Variants in P2RX3 observed in about 807,000 individuals in gnomAD.
P2RX3 encodes purinergic receptor P2X 3.
A neutral mutation model predicts 51.5 loss-of-function variants in P2RX3; 41 were observed. That is an observed-to-expected ratio of 0.80 (90% CI 0.62 to 1.03). P2RX3 has a LOEUF of 1.03. Among genes scored for constraint, P2RX3 ranks in the 50% least tolerant of loss-of-function variants. The pLI is 0.00. For synonymous variants in P2RX3, 185 were observed against 191.6 expected (o/e 0.97, Z 0.29); for missense variants, 459 against 522.1 (o/e 0.88, Z 1.18).
chr11:57,347,120 C>A lies in P2RX3; in HGVS notation c.260C>A (p.Thr87Asn). 1 of 1,613,636 alleles carries A rather than the reference C, an allele frequency of 6.2e-7. No individual in the cohort carries two copies. Among genetic ancestry groups the A allele is most frequent in the East Asian group, 2.2e-5 (1 of 44,888 alleles). ...VSDYVTPPQG[T>N]SVFVIITKMI... is the part of the protein sequence containing the mutation. ...CTCCCTTCTTCTCCTCCCAAGGGCACCTCGGTCTTTGTCATCATCACCAAG... is the reference window on the plus strand; with the variant it reads ...CTCCCTTCTTCTCCTCCCAAGGGCAACTCGGTCTTTGTCATCATCACCAAG... Residue 87 changes from threonine to asparagine, a missense_variant, in exon 3 of 12, where the codon ACC becomes AAC. Coordinates refer to ENST00000263314, the MANE Select transcript of P2RX3 (RefSeq NM_002559.5).
intron 1 of P2RX3, among the ~76,000 whole-genome samples, chr11:57,342,149 T>A (rs1411687652): frequency 2.7e-3 from 12 of 4,400 alleles, no homozygotes; most frequent in Admixed American, 8.2e-3. Context: ...CTGCCCCATC[T>A]TTTTTTTTTT....
intron 1 of P2RX3, among the ~76,000 whole-genome samples, chr11:57,343,027 G>A (rs561620616): frequency 6.6e-6 from 1 of 152,316 alleles, no homozygotes; most frequent in South Asian, 2.1e-4. Context: ...CAGAGTAAAT[G>A]CCAAGAATCG....
chr11:57,343,150 G>C (rs1006156647), intron 1 of P2RX3, among the ~76,000 whole-genome samples: 1 of 152,186 alleles, frequency 6.6e-6, no homozygotes, highest in African/African-American at 2.4e-5. Flanking sequence ...GACATCCCGA[G>C]GCCCTGTGAG....
chr11:57,341,983 G>GAGCT (rs1856347962), intron 1 of P2RX3, among the ~76,000 whole-genome samples: 2 of 151,996 alleles, frequency 1.3e-5, no homozygotes, highest in Non-Finnish European at 2.9e-5. Context: ...TGAAAGGGAG[G>GAGCT]AGCTGCTCTG....
Position 57,346,818 on chromosome 11 carries a change from G to A in P2RX3, c.255+139G>A, listed in dbSNP as rs1856443268. ...ACTGATCCAGAGGACCTCTCCCCCA[G>A]CAGCTGAGAGCTGTGTGAGAGCTTG... On this transcript the variant is annotated intron_variant, in intron 2 of 11. Coordinates refer to ENST00000263314, the MANE Select transcript of P2RX3 (RefSeq NM_002559.5). 9.4e-6 allele frequency: 12 copies of A among 1,273,548 alleles called. No homozygotes were observed. The South Asian group carries it at 1.8e-4, about 19-fold the overall frequency. 78.9% of individuals were successfully genotyped at this position (1,273,548 alleles called of 1,614,324 possible). A position where few individuals can be genotyped will look rare whatever the true frequency, so the allele number is the denominator to read the frequency against.
chr11:57,353,255 T>C (rs1200661243), intron 8 of P2RX3, among the ~76,000 whole-genome samples: 2 of 152,248 alleles, frequency 1.3e-5, no homozygotes, highest in African/African-American at 4.8e-5. Context: ...AAGCTACTTA[T>C]CAGTAGAAAC....
chr11:57,353,171 A>G (rs1340943615), intron 8 of P2RX3, among the ~76,000 whole-genome samples: 2 of 152,236 alleles, frequency 1.3e-5, no homozygotes, highest in East Asian at 1.9e-4. Context: ...AGGGTCACAA[A>G]GCCAGGTTCA....
Position 57,347,496 on chromosome 11 carries a change from C to T in P2RX3, c.391+18C>T. The T allele has an allele frequency of 8.4e-6, 13 of 1,552,246 alleles. No homozygotes were observed. The highest frequency in any genetic ancestry group is 1.0e-5 in the Non-Finnish European group (12 of 1,147,582). ...AGGTGGGGGTGAGTCCAGCCCCTTA[C>T]CCACCCCACAATCCCAAGTGTTAGT... is the stretch of plus-strand genomic sequence containing the variant. On this transcript the variant is annotated intron_variant, in intron 4 of 11. Transcript: ENST00000263314.
chr11:57,369,268 TG>T lies in P2RX3; in HGVS notation c.1003-88del, dbSNP rs992353848. ...TGTCCTGCCCACTGTTTAGGCAGCT[TG>T]GGGGTGCTGCCCGAGCCCAGCACTT... On this transcript the variant is annotated intron_variant, in intron 10 of 11. Transcript: ENST00000263314. 8.5e-6 allele frequency: 9 copies of T among 1,061,980 alleles called. No individual in the cohort carries two copies. In the African/African-American group the frequency reaches 1.1e-4, roughly 13 times the overall value. The allele number at this position is 1,061,980 out of a possible 1,614,324, so 65.8% of individuals were successfully genotyped here.
intron 7 of P2RX3, chr11:57,350,458 A>G (rs1856524600): frequency 7.5e-6 from 2 of 268,290 alleles, no homozygotes; most frequent in South Asian, 1.1e-4. Flanking sequence ...AATTTTTGGT[A>G]TTTTTAGTAG....
In P2RX3 at chr11:57,347,139, C is replaced by T. The variant is rs1399972491; in HGVS notation, c.279C>T (p.Ile93=). 4 of 1,613,792 alleles carry T rather than the reference C, an allele frequency of 2.5e-6. No homozygotes were observed. Among genetic ancestry groups the T allele is most frequent in the Non-Finnish European group, 3.4e-6 (4 of 1,179,870 alleles). Residue 93 remains isoleucine (I), a synonymous_variant, in exon 3 of 12, where the codon ATC becomes ATT. Transcript: ENST00000263314. The part of the protein sequence containing the change: ...PPQGTSVFVI[I]TKMIVTENQM... ...AGGGCACCTCGGTCTTTGTCATCATCACCAAGATGATTGTTACTGAAAATC... is the reference window on the plus strand; with the variant it reads ...AGGGCACCTCGGTCTTTGTCATCATTACCAAGATGATTGTTACTGAAAATC...
chr11:57,336,347 T>C (rs191592839), upstream of P2RX3, among the ~76,000 whole-genome samples: 2 of 152,050 alleles, frequency 1.3e-5, no homozygotes, highest in Non-Finnish European at 2.9e-5. Context: ...ACACCCAAAA[T>C]TTTCACATCC....
chr11:57,368,306 C>T (rs1856828160), intron 9 of P2RX3, 66 bp from the exon 10 acceptor site: 1 of 1,560,270 alleles, frequency 6.4e-7, no homozygotes, highest in Non-Finnish European at 8.8e-7. Flanking sequence ...GCGCCACGTG[C>T]AGCCTCGGGC....
chr11:57,350,689 C>T (rs1856530049), intron 7 of P2RX3, 73 bp from the exon 8 acceptor site: 1 of 1,578,768 alleles, frequency 6.3e-7, no homozygotes, highest in Non-Finnish European at 8.6e-7. Flanking sequence ...CCACCTCCAC[C>T]CCACCCCCAC....
At chr11:57,342,148 CTTTTTTTTTTT>C (rs67011422) in intron 1 of P2RX3, among the ~76,000 whole-genome samples, 1 of 48,360 alleles carries the variant, frequency 2.1e-5, no homozygotes, top group Non-Finnish European at 3.4e-5. Context: ...GCTGCCCCAT[CTTTTTTTTTTT>C]TTTTTTTTTT....
At chr11:57,369,539 G>A in intron 11 of P2RX3, 101 bp downstream of exon 11, 8 of 1,075,710 alleles carry the variant, frequency 7.4e-6, no homozygotes, top group South Asian at 1.5e-5. Flanking sequence ...TTCTGAAGGG[G>A]GGTTCACCAG....
intron 8 of P2RX3, among the ~76,000 whole-genome samples, chr11:57,353,213 G>A (rs1478421680): frequency 6.6e-6 from 1 of 152,198 alleles, no homozygotes; most frequent in Non-Finnish European, 1.5e-5. Context: ...CTATGATATG[G>A]TAAGATGTAC....
In P2RX3 at chr11:57,338,536, G is replaced by A. The variant is rs754671491; in HGVS notation, c.-15G>A. The A allele has an allele frequency of 6.4e-7, 1 of 1,569,476 alleles. No individual in the cohort carries two copies. The highest frequency in any genetic ancestry group is 1.1e-5 in the South Asian group (1 of 88,776). ...CTGGGCCCCCTTCTGAGTGTCCCCT[G>A]AGCACTCTCTCAGCATGAACTGCAT... On this transcript the variant is annotated 5_prime_UTR_variant, in exon 1 of 12. Transcript: ENST00000263314.
intron 8 of P2RX3, among the ~76,000 whole-genome samples, chr11:57,361,206 C>A (rs762645236): frequency 1.3e-5 from 2 of 152,202 alleles, no homozygotes; most frequent in Non-Finnish European, 2.9e-5. Flanking sequence ...CTGCAGATCC[C>A]TCAGCCAGGA....
Sources: gnomAD v4.1 joint callset for allele counts (sites outside exome capture counted in the v4.1 genomes callset) on GRCh38, gnomAD v4.1.1 for gene constraint, MANE v1.5 for transcripts, NCBI Gene and HGNC (gene_info 2026-07-23, HGNC 2026-07-21) for gene names.